EPHB1: variants seen among roughly 807,000 people sequenced by gnomAD.
EPHB1 encodes the protein EPH receptor B1.
In EPHB1, 30 loss-of-function variants were observed where a neutral mutation model predicts 94.4. That is an observed-to-expected ratio of 0.32 (90% confidence interval 0.24 to 0.43). The LOEUF (loss-of-function observed/expected upper bound fraction) is 0.43. EPHB1 is among the 20% of genes least tolerant of loss of function. The pLI, the probability that EPHB1 is intolerant of heterozygous loss-of-function variation, is 1.00. For missense variants in EPHB1, 1,055 were observed against 1,308.3 expected, an observed-to-expected ratio of 0.81 and a Z score of 2.99; for synonymous variants, 522 against 489.1, an observed-to-expected ratio of 1.07 and a Z score of -0.89.
intron 1 of EPHB1, among the ~76,000 whole-genome samples, chr3:134,797,982 C>T (rs1450038087): frequency 6.6e-6 from 1 of 152,222 alleles, no homozygotes; most frequent in Non-Finnish European, 1.5e-5. Flanking sequence ...AGCCGCCTTC[C>T]CGCCTGCCTA....
intron 1 of EPHB1, among the ~76,000 whole-genome samples, chr3:134,803,664 A>AT (rs1240711764): frequency 1.3e-5 from 2 of 152,046 alleles, no homozygotes; most frequent in Admixed American, 6.6e-5. Flanking sequence ...GTATCTAAGC[A>AT]TTTTTTTCTC....
intron 1 of EPHB1, among the ~76,000 whole-genome samples, chr3:134,895,652 T>G (rs1035119755): frequency 2.6e-5 from 4 of 152,210 alleles, no homozygotes; most frequent in African/African-American, 7.2e-5. Flanking sequence ...CCAGCACTCA[T>G]GTAAGCAAAA....
intron 6 of EPHB1, chr3:135,154,482 A>G: frequency 1.7e-6 from 1 of 581,634 alleles, no homozygotes; most frequent in East Asian, 3.2e-5. Context: ...CCAACTAAGG[A>G]GAGAAACTTC....
chr3:135,005,038 C>CT (rs1464367157), intron 3 of EPHB1, among the ~76,000 whole-genome samples: 1 of 152,206 alleles, frequency 6.6e-6, no homozygotes, highest in Non-Finnish European at 1.5e-5. Flanking sequence ...AGGCGCTCTG[C>CT]TTTTTAGAGT....
At chr3:135,066,096 G>C (rs1018406256) in intron 3 of EPHB1, among the ~76,000 whole-genome samples, 1 of 152,140 alleles carries the variant, frequency 6.6e-6, no homozygotes, top group Non-Finnish European at 1.5e-5. Context: ...TTCCTTTATA[G>C]CTTACCTGGT....
chr3:135,018,525 C>T (rs774615212), intron 3 of EPHB1, among the ~76,000 whole-genome samples: 1 of 152,174 alleles, frequency 6.6e-6, no homozygotes, highest in Non-Finnish European at 1.5e-5. Context: ...AAGCACCCAC[C>T]GATCTCCTCC....
At chr3:135,058,836 G>T (rs1450822416) in intron 3 of EPHB1, among the ~76,000 whole-genome samples, 2 of 152,202 alleles carry the variant, frequency 1.3e-5, no homozygotes, top group South Asian at 4.2e-4. Flanking sequence ...TTCCCTGCAG[G>T]GCTCCTCCAA....
chr3:135,148,355 T>C (rs142841792), intron 5 of EPHB1, among the ~76,000 whole-genome samples: 54 of 152,322 alleles, frequency 3.5e-4, no homozygotes, highest in Admixed American at 7.2e-4. Flanking sequence ...GAACCTGTGA[T>C]ATGACAGTAA....
rs147393120 is a variant in EPHB1 at position 135,151,805 on chromosome 3, G to A, written c.1298-2347G>A. ...AAACCAATAGGCCAAATTTAACACC[G>A]TAAAGGTTGAGATACATGTACATTC... On this transcript the variant is annotated intron_variant, in intron 5 of 15. Transcript: ENST00000398015. Among the ~76,000 whole-genome samples the A allele has an allele frequency of 1.4e-3, 213 of 152,218 alleles. No individual in the cohort carries two copies. The Middle Eastern group carries it at 0.02, about 15-fold the overall frequency.
chr3:134,826,135 C>T (rs2036474272), intron 1 of EPHB1, among the ~76,000 whole-genome samples: 1 of 151,100 alleles, frequency 6.6e-6, no homozygotes, highest in Non-Finnish European at 1.5e-5. Context: ...ACCTGTAATC[C>T]CAGCTACTCT....
chr3:135,050,970 CAAAAG>C (rs1406620923), intron 3 of EPHB1, among the ~76,000 whole-genome samples: 2 of 151,010 alleles, frequency 1.3e-5, no homozygotes, highest in African/African-American at 2.4e-5. Flanking sequence ...GTTTAATAGA[CAAAAG>C]AAAGAGAAAG....
chr3:135,048,224 C>CTTTTTTTTTTTTTT (rs71157318), intron 3 of EPHB1, among the ~76,000 whole-genome samples: 1 of 109,020 alleles, frequency 9.2e-6, no homozygotes, highest in Non-Finnish European at 1.8e-5. Context: ...AAAAAATACT[C>CTTTTTTTTTTTTTT]TTTTTTTTTT....
intron 6 of EPHB1, among the ~76,000 whole-genome samples, chr3:135,160,141 T>A (rs964272591): frequency 2.6e-5 from 4 of 152,122 alleles, no homozygotes; most frequent in Admixed American, 1.3e-4. Context: ...AGATGTTACA[T>A]CCCCAGAGGA....
chr3:134,942,614 C>T (rs1036224808), intron 2 of EPHB1, among the ~76,000 whole-genome samples: 1 of 152,152 alleles, frequency 6.6e-6, no homozygotes, highest in African/African-American at 2.4e-5. Context: ...ATCCAGCAGG[C>T]AGCAGAATAT....
chr3:135,180,951 T>C (rs1942137318), intron 10 of EPHB1, among the ~76,000 whole-genome samples: 1 of 152,234 alleles, frequency 6.6e-6, no homozygotes, highest in African/African-American at 2.4e-5. Flanking sequence ...CTAGAAGTGC[T>C]TTATTCATAT....
At chr3:135,117,841 G>T (rs1050180981) in intron 4 of EPHB1, among the ~76,000 whole-genome samples, 2 of 152,222 alleles carry the variant, frequency 1.3e-5, no homozygotes, top group Admixed American at 6.5e-5. Context: ...AATGAAGGGT[G>T]CTCAGTTGTG....
chr3:135,048,248 C>CT (rs1937062532), intron 3 of EPHB1, among the ~76,000 whole-genome samples: 4 of 88,468 alleles, frequency 4.5e-5, no homozygotes, highest in Non-Finnish European at 6.6e-5. Flanking sequence ...CTTTTTCTTT[C>CT]TTTCTTTTTT....
At chr3:135,248,056 G>A (rs760120704) in intron 13 of EPHB1, among the ~76,000 whole-genome samples, 2 of 152,164 alleles carry the variant, frequency 1.3e-5, no homozygotes, top group Non-Finnish European at 2.9e-5. Context: ...ATTTACAGAG[G>A]TCCATGTGTG....
chr3:134,858,897 T>C (rs2037184397), intron 1 of EPHB1, among the ~76,000 whole-genome samples: 1 of 152,130 alleles, frequency 6.6e-6, no homozygotes, highest in Non-Finnish European at 1.5e-5. Context: ...CGGGGCCCCT[T>C]CCCACTGGGT....
Sources: gnomAD v4.1 joint callset for allele counts (sites outside exome capture counted in the v4.1 genomes callset) on GRCh38, gnomAD v4.1.1 for gene constraint, MANE v1.5 for transcripts, NCBI Gene and HGNC (gene_info 2026-07-23, HGNC 2026-07-21) for gene names.